Variants in EXOC6 observed in about 807,000 individuals in gnomAD.
The protein encoded by EXOC6 is SEC15-like 1.
EXOC6 carries 60 observed loss-of-function variants against 112.5 expected under a neutral mutation model. That is an observed-to-expected ratio of 0.53 (90% CI 0.43 to 0.66). EXOC6 has a LOEUF of 0.66. EXOC6 is among the 30% of genes least tolerant of loss of function. EXOC6 has a pLI of 0.00. For missense variants in EXOC6, 855 were observed against 957.1 expected, an observed-to-expected ratio of 0.89 and a Z score of 1.41; for synonymous variants, 295 against 308.0, an observed-to-expected ratio of 0.96 and a Z score of 0.44.
intron 5 of EXOC6, among the ~76,000 whole-genome samples, chr10:92,907,105 A>G (rs1413366509): frequency 6.6e-6 from 1 of 152,166 alleles, no homozygotes; most frequent in Non-Finnish European, 1.5e-5. Context: ...CCCAGAAAGC[A>G]GAGTCTGAGG....
chr10:93,038,463 A>G (rs773433716), intron 20 of EXOC6, among the ~76,000 whole-genome samples: 4 of 152,248 alleles, frequency 2.6e-5, no homozygotes, highest in Non-Finnish European at 5.9e-5. Context: ...TGAAGAAATT[A>G]TCTTCTAATC....
intron 20 of EXOC6, among the ~76,000 whole-genome samples, chr10:93,045,384 G>T (rs1845962139): frequency 6.6e-6 from 1 of 152,132 alleles, no homozygotes; most frequent in Non-Finnish European, 1.5e-5. Context: ...GGGGCAAGAG[G>T]GAGAAGAAGC....
chr10:92,957,195 T>TA (rs1189185211), intron 17 of EXOC6, among the ~76,000 whole-genome samples: 3 of 152,166 alleles, frequency 2.0e-5, no homozygotes, highest in Non-Finnish European at 4.4e-5. Flanking sequence ...TCTCTGTCCT[T>TA]ACATCCATCT....
intron 20 of EXOC6, among the ~76,000 whole-genome samples, chr10:93,031,164 C>T (rs1845253546): frequency 1.3e-5 from 2 of 152,200 alleles, no homozygotes; most frequent in Non-Finnish European, 2.9e-5. Flanking sequence ...CCAAGCCCTC[C>T]CTGCCAGGTA....
At chr10:92,936,033 C>A in intron 12 of EXOC6, 148 bp downstream of exon 12, 2 of 565,596 alleles carry the variant, frequency 3.5e-6, no homozygotes, top group South Asian at 2.3e-5. Context: ...TGCTATTACC[C>A]AGGACTATTC....
At chr10:92,967,132 GGTT>G (rs1166859811) in intron 17 of EXOC6, among the ~76,000 whole-genome samples, 1 of 151,412 alleles carries the variant, frequency 6.6e-6, no homozygotes, top group African/African-American at 2.4e-5. Context: ...TTTTTGATGG[GGTT>G]GTTTGTTTTT....
intron 1 of EXOC6, among the ~76,000 whole-genome samples, chr10:92,871,498 CAA>C (rs75179832): frequency 0.022 from 1,489 of 67,066 alleles, 9 homozygotes; most frequent in Non-Finnish European, 0.031. Context: ...GACCCTGTCT[CAA>C]AAAAAAAAAA....
chr10:93,056,607 G>A (rs1350396154), intron 20 of EXOC6, among the ~76,000 whole-genome samples: 1 of 150,890 alleles, frequency 6.6e-6, no homozygotes, highest in Non-Finnish European at 1.5e-5. Context: ...ACTGACTAAT[G>A]CATAAAGATA....
intron 20 of EXOC6, among the ~76,000 whole-genome samples, chr10:93,027,305 A>G (rs967898600): frequency 1.3e-5 from 2 of 152,260 alleles, no homozygotes; most frequent in African/African-American, 4.8e-5. Context: ...TCTCCATAAC[A>G]TAAACGTGCA....
chr10:92,977,254 C>G (rs528624874), intron 18 of EXOC6, among the ~76,000 whole-genome samples: 2 of 147,426 alleles, frequency 1.4e-5, no homozygotes, highest in South Asian at 4.3e-4. Flanking sequence ...ACCATCCTCT[C>G]TCTGCTTGGA....
Position 92,895,038 on chromosome 10 carries a change from A to C in EXOC6, c.412+18A>C. ...CCTTCCTGGTGAGTTAAACTTGTCT[A>C]TAATAAAACGTTTGGCTTGGTAAAG... On this transcript the variant is annotated intron_variant, in intron 4 of 21. Transcript: ENST00000260762. 2 of 1,449,444 alleles carry C rather than the reference A, an allele frequency of 1.4e-6. No individual in the cohort carries two copies. Among genetic ancestry groups the C allele is most frequent in the East Asian group, 4.5e-5 (2 of 44,074 alleles). The allele number at this position is 1,449,444 out of a possible 1,614,324, so 89.8% of individuals were successfully genotyped here. A position where few individuals can be genotyped will look rare whatever the true frequency, so the allele number is the denominator to read the frequency against.
At chr10:93,005,965 G>C (rs553853949) in intron 19 of EXOC6, among the ~76,000 whole-genome samples, 1 of 152,218 alleles carries the variant, frequency 6.6e-6, no homozygotes, top group Admixed American at 6.5e-5. Flanking sequence ...TTCGAGACCA[G>C]CCTGGGCAAA....
At chr10:92,831,324 T>C (rs1338464623), upstream of EXOC6, 7 of 1,288,986 alleles carry the variant, frequency 5.4e-6, no homozygotes, top group Admixed American at 1.6e-4. Context: ...AGGATGAATG[T>C]GCTGTGTAGG....
Position 92,993,136 on chromosome 10 carries a change from C to G in EXOC6, c.1954-4338C>G, listed in dbSNP as rs917258369. Among the ~76,000 whole-genome samples the G allele has an allele frequency of 2.0e-5, 3 of 152,160 alleles. No individual in the cohort carries two copies. In the East Asian group the frequency reaches 5.8e-4, roughly 29 times the overall value. On this transcript the variant is annotated intron_variant, in intron 18 of 21. Coordinates refer to ENST00000260762, the MANE Select transcript of EXOC6 (RefSeq NM_019053.6). Reference sequence around the variant, plus strand: ...GTGTTAGGTTTAATATCCAAATTGACCATGATTTTATTTCGTTTTTCCTTT... The same window carrying G: ...GTGTTAGGTTTAATATCCAAATTGAGCATGATTTTATTTCGTTTTTCCTTT...
chr10:92,998,132 A>G lies in EXOC6; in HGVS notation c.2095+517A>G, dbSNP rs76177901. 7.4e-3 allele frequency among the ~76,000 whole-genome samples: 1,131 copies of G among 152,258 alleles called. 10 individuals carry two copies. Among genetic ancestry groups the G allele is most frequent in the African/African-American group, 0.026 (1,084 of 41,536 alleles). ...TTAGGTAACAAGGCTAGCAGATTCC[A>G]TAATCTAATGTTGATGTTAGTCAAT... is the stretch of plus-strand genomic sequence containing the variant. On this transcript the variant is annotated intron_variant, in intron 19 of 21. Coordinates refer to ENST00000260762, the MANE Select transcript of EXOC6 (RefSeq NM_019053.6).
intron 6 of EXOC6, among the ~76,000 whole-genome samples, chr10:92,910,060 G>A (rs1180623726): frequency 6.6e-6 from 1 of 152,098 alleles, no homozygotes; most frequent in Non-Finnish European, 1.5e-5. Context: ...AATAATAAAC[G>A]GACAAACAAT....
chr10:93,017,001 AG>A (rs1478218789), intron 20 of EXOC6, among the ~76,000 whole-genome samples: 2 of 151,698 alleles, frequency 1.3e-5, no homozygotes, highest in African/African-American at 4.8e-5. Flanking sequence ...TTTTTAGTAG[AG>A]GTGGGGTTTC....
chr10:93,009,484 G>A (rs1844144089), intron 19 of EXOC6, among the ~76,000 whole-genome samples: 1 of 152,172 alleles, frequency 6.6e-6, no homozygotes, highest in Non-Finnish European at 1.5e-5. Context: ...CCTGCTCTCA[G>A]GGAGTTCATG....
At chr10:92,975,937 C>T in intron 18 of EXOC6, among the ~76,000 whole-genome samples, 1 of 143,974 alleles carries the variant, frequency 6.9e-6, no homozygotes. Context: ...CAGCCCCCCG[C>T]CCGGCCAGCC....
Sources: allele counts gnomAD v4.1 joint callset (sites outside exome capture counted in the v4.1 genomes callset), GRCh38; gene constraint gnomAD v4.1.1; transcripts MANE v1.5; gene names NCBI Gene and HGNC (gene_info 2026-07-23, HGNC 2026-07-21).